Variants in TMEM232 observed in about 807,000 individuals in gnomAD.
TMEM232 encodes transmembrane protein 232.
Under a neutral mutation model 78.8 loss-of-function variants are expected in TMEM232, and 80 were observed. The observed-to-expected ratio is 1.01, with a 90% CI of 0.85 to 1.22. The LOEUF is 1.22. Among genes scored for constraint, TMEM232 ranks in the 50% most tolerant of loss-of-function variants. TMEM232 has a pLI of 0.00. For missense variants in TMEM232, 881 were observed against 742.2 expected (o/e 1.19, Z -2.17); for synonymous variants, 297 against 254.3 (o/e 1.17, Z -1.60).
At chr5:110,582,263 T>A (rs964718062) in intron 10 of TMEM232, among the ~76,000 whole-genome samples, 2 of 151,916 alleles carry the variant, frequency 1.3e-5, no homozygotes, top group African/African-American at 4.8e-5. Flanking sequence ...TCAACCTAGA[T>A]GTCCATCAAC....
At position 110,642,264 on chromosome 5, in the gene TMEM232, C is replaced by T. The variant is rs1786841790; in HGVS notation, c.233G>A (p.Cys78Tyr). The T allele has an allele frequency of 6.5e-7, 1 of 1,530,440 alleles. No individual in the cohort carries two copies. The highest frequency in any genetic ancestry group is 8.8e-7 in the Non-Finnish European group (1 of 1,135,272). 94.8% of individuals were successfully genotyped at this position (1,530,440 alleles called of 1,614,324 possible). A position where few individuals can be genotyped will look rare whatever the true frequency, so the allele number is the denominator to read the frequency against. Residue 78 changes from cysteine to tyrosine, a missense_variant, in exon 3 of 14, where the codon TGT (cysteine) becomes TAT (tyrosine). By Grantham distance (194) the Cys-to-Tyr change is radical (BLOSUM62 -2). Coordinates refer to ENST00000455884, the MANE Select transcript of TMEM232 (RefSeq NM_001039763.4). Reference protein sequence around the residue: ...LELARKIILRCKRKLGLKTLG... With the variant: ...LELARKIILRYKRKLGLKTLG... Reference sequence around the variant, plus strand: ...AATCAAATGATATGCCATTACCTTACATCTGAGAATGATTTTTCTAGCTAG... The same window carrying T: ...AATCAAATGATATGCCATTACCTTATATCTGAGAATGATTTTTCTAGCTAG...
intron 12 of TMEM232, among the ~76,000 whole-genome samples, chr5:110,477,832 T>A (rs1420099584): frequency 6.6e-6 from 1 of 151,956 alleles, no homozygotes; most frequent in East Asian, 1.9e-4. Context: ...AATACTATCA[T>A]GGGATTAATG....
chr5:110,625,058 T>C (rs966607793), intron 7 of TMEM232, among the ~76,000 whole-genome samples: 8 of 152,028 alleles, frequency 5.3e-5, no homozygotes, highest in Non-Finnish European at 7.4e-5. Context: ...GAGTTATATA[T>C]TGATACCTCC....
rs982293518 is a variant in TMEM232, at chr5:110,682,566, A to G, written c.-12-15202T>C. 7.2e-5 allele frequency among the ~76,000 whole-genome samples: 11 copies of G among 152,276 alleles called. No individual in the cohort carries two copies. In the East Asian group the frequency reaches 1.9e-3, roughly 27 times the overall value. On this transcript the variant is annotated intron_variant, in intron 1 of 13. Coordinates refer to ENST00000455884, the MANE Select transcript of TMEM232 (RefSeq NM_001039763.4). ...TAATTTAAATAGATTTCAAAAATTTACCTTGCATATTTATCTGAAATGGCC... is the reference window on the plus strand; with the variant it reads ...TAATTTAAATAGATTTCAAAAATTTGCCTTGCATATTTATCTGAAATGGCC...
chr5:110,603,668 C>T lies in TMEM232; in HGVS notation c.1276+1441G>A, dbSNP rs572259265. Among the ~76,000 whole-genome samples the T allele has an allele frequency of 1.2e-3, 187 of 152,186 alleles. 1 individual carries two copies. Among genetic ancestry groups the T allele is most frequent in the African/African-American group, 4.4e-3 (181 of 41,528 alleles). On this transcript the variant is annotated intron_variant, in intron 10 of 13. Transcript: ENST00000455884. ...AGAAATGAGTACCTTCATTTATCTTCACTTTATTAATAATATAAACATGGA... is the reference window on the plus strand; with the variant it reads ...AGAAATGAGTACCTTCATTTATCTTTACTTTATTAATAATATAAACATGGA...
At chr5:110,516,142 C>T (rs768816281) in intron 12 of TMEM232, among the ~76,000 whole-genome samples, 1 of 151,888 alleles carries the variant, frequency 6.6e-6, no homozygotes, top group East Asian at 1.9e-4. Context: ...AGGAGGCTGA[C>T]GCAGGAGAAC....
At chr5:110,682,038 C>A (rs1167946666) in intron 1 of TMEM232, among the ~76,000 whole-genome samples, 1 of 152,056 alleles carries the variant, frequency 6.6e-6, no homozygotes, top group African/African-American at 2.4e-5. Context: ...GCTATTAAGA[C>A]ACATTTTTTT....
At chr5:110,487,375 C>T (rs957171684) in intron 12 of TMEM232, among the ~76,000 whole-genome samples, 2 of 152,020 alleles carry the variant, frequency 1.3e-5, no homozygotes, top group African/African-American at 4.8e-5. Context: ...AGTGGGCATC[C>T]TTGTCTTGTT....
chr5:110,583,621 A>G (rs535730231), intron 10 of TMEM232, among the ~76,000 whole-genome samples: 66 of 152,108 alleles, frequency 4.3e-4, no homozygotes, highest in African/African-American at 1.5e-3. Flanking sequence ...ACAAAAACAA[A>G]AATAAGTTCA....
At chr5:110,430,280 G>C (rs1757690540) in intron 12 of TMEM232, among the ~76,000 whole-genome samples, 1 of 151,058 alleles carries the variant, frequency 6.6e-6, no homozygotes, top group African/African-American at 2.4e-5. Context: ...AATTAGCTTT[G>C]TGGTATTATA....
chr5:110,414,889 G>A (rs1438760394), downstream of TMEM232, among the ~76,000 whole-genome samples: 3 of 152,156 alleles, frequency 2.0e-5, no homozygotes, highest in Non-Finnish European at 4.4e-5. Context: ...CTTCAATAAT[G>A]TGCACTGAAG....
At chr5:110,548,913 T>C (rs557214550) in intron 11 of TMEM232, among the ~76,000 whole-genome samples, 1 of 152,130 alleles carries the variant, frequency 6.6e-6, no homozygotes, top group East Asian at 1.9e-4. Flanking sequence ...TTATAAAGTG[T>C]AGTGATTGAT....
intron 8 of TMEM232, chr5:110,610,631 C>A (rs983111210): frequency 2.3e-6 from 1 of 427,714 alleles, no homozygotes; most frequent in Non-Finnish European, 4.6e-6. Context: ...TGCCAGTTAA[C>A]TCCTGCCTAC....
intron 2 of TMEM232, among the ~76,000 whole-genome samples, chr5:110,734,304 T>C (rs1408968580): frequency 6.6e-6 from 1 of 152,038 alleles, no homozygotes; most frequent in African/African-American, 2.4e-5. Context: ...AGTGAAGGGG[T>C]AGTGGTTATT....
intron 12 of TMEM232, among the ~76,000 whole-genome samples, chr5:110,455,035 C>T (rs1301872316): frequency 6.6e-6 from 1 of 151,722 alleles, no homozygotes; most frequent in Non-Finnish European, 1.5e-5. Flanking sequence ...TAAAATATTA[C>T]AAACAATTAG....
At chr5:110,667,885 G>C (rs1459034836) in intron 1 of TMEM232, among the ~76,000 whole-genome samples, 1 of 151,916 alleles carries the variant, frequency 6.6e-6, no homozygotes, top group Non-Finnish European at 1.5e-5. Flanking sequence ...TCGTCATTTA[G>C]ATAGTGCTTT....
At chr5:110,421,125 A>G (rs1327874264) in intron 13 of TMEM232, among the ~76,000 whole-genome samples, 1 of 152,094 alleles carries the variant, frequency 6.6e-6, no homozygotes, top group South Asian at 2.1e-4. Flanking sequence ...GAAAGAAAAA[A>G]TACAGAAAAT....
At chr5:110,610,196 GAAC>G in intron 8 of TMEM232, among the ~76,000 whole-genome samples, 1 of 93,138 alleles carries the variant, frequency 1.1e-5, no homozygotes, top group Non-Finnish European at 2.1e-5. Context: ...CAGAAGGAAG[GAAC>G]AAGGAAGGAA....
chr5:110,677,217 A>G (rs1792135732), intron 1 of TMEM232, among the ~76,000 whole-genome samples: 1 of 151,062 alleles, frequency 6.6e-6, no homozygotes, highest in Non-Finnish European at 1.5e-5. Flanking sequence ...TACAGGTTCT[A>G]TGTTCATTTT....
Sources: gnomAD v4.1 joint callset for allele counts (sites outside exome capture counted in the v4.1 genomes callset) on GRCh38, gnomAD v4.1.1 for gene constraint, MANE v1.5 for transcripts, NCBI Gene and HGNC (gene_info 2026-07-23, HGNC 2026-07-21) for gene names.